RPF1: variants seen among roughly 807,000 people sequenced by gnomAD.
RPF1 encodes ribosome production factor 1 homolog, also known as ribosome production factor 1.
A neutral mutation model predicts 41.9 loss-of-function variants in RPF1; 34 were observed. That is an observed-to-expected ratio of 0.81 (90% confidence interval 0.62 to 1.08). The LOEUF (loss-of-function observed/expected upper bound fraction) is 1.08. Ranked by LOEUF, RPF1 falls within the 50% of genes least tolerant of loss-of-function variation. The pLI is 0.00. For missense variants in RPF1, 425 were observed against 435.2 expected, an observed-to-expected ratio of 0.98 and a Z score of 0.21; for synonymous variants, 140 against 148.9, an observed-to-expected ratio of 0.94 and a Z score of 0.43.
chr1:84,484,934 A>G (rs1409309613), intron 3 of RPF1, among the ~76,000 whole-genome samples: 1 of 152,150 alleles, frequency 6.6e-6, no homozygotes, highest in Non-Finnish European at 1.5e-5. Context: ...AGCCTCCTAA[A>G]GTGCTGGGAT....
At chr1:84,494,090 T>A (rs1681886530) in intron 5 of RPF1, among the ~76,000 whole-genome samples, 1 of 152,234 alleles carries the variant, frequency 6.6e-6, no homozygotes. Flanking sequence ...CATAGCTGGT[T>A]ACTTATAGAA....
rs755761292 is a variant in RPF1, at chr1:84,490,355, A to G, written c.499A>G (p.Ile167Val). The change falls in exon 5 of 9, where the codon ATA becomes GTA. Residue 167 changes from isoleucine (I) to valine (V), a missense_variant. By Grantham distance (29) the Ile-to-Val change is conservative. Transcript: ENST00000370654. ...VRLCEQLSTV[I>V]PNSHVYYRRG... The stretch of plus-strand genomic sequence containing the variant: ...ACTCTGTGAACAGCTCTCCACAGTT[A>G]TACCAAACTCACATGTTTATTACAG... 1 of 1,609,164 alleles carries G rather than the reference A, an allele frequency of 6.2e-7. No homozygotes were observed. Among genetic ancestry groups the G allele is most frequent in the Non-Finnish European group, 8.5e-7 (1 of 1,178,216 alleles).
chr1:84,493,176 T>C (rs1681863895), intron 5 of RPF1, among the ~76,000 whole-genome samples: 1 of 152,140 alleles, frequency 6.6e-6, no homozygotes, highest in East Asian at 1.9e-4. Flanking sequence ...GATTTAAGCC[T>C]TGATTTGGGC....
chr1:84,483,889 A>G (rs1681694290), intron 3 of RPF1, among the ~76,000 whole-genome samples: 1 of 152,184 alleles, frequency 6.6e-6, no homozygotes, highest in South Asian at 2.1e-4. Context: ...CTTTCAGCAA[A>G]TGTTTATGGA....
chr1:84,489,549 A>G (rs1214499905), intron 3 of RPF1, 84 bp from the exon 4 acceptor site: 5 of 761,010 alleles, frequency 6.6e-6, no homozygotes, highest in Non-Finnish European at 9.3e-6. Context: ...TCAGTGTCCA[A>G]CAGTCCTGCT....
chr1:84,485,358 C>T (rs1470599194), intron 3 of RPF1, among the ~76,000 whole-genome samples: 2 of 152,158 alleles, frequency 1.3e-5, no homozygotes, highest in Non-Finnish European at 2.9e-5. Context: ...CTTGGCCTCC[C>T]AAAGTGTTAG....
intron 3 of RPF1, among the ~76,000 whole-genome samples, chr1:84,484,348 C>G (rs1487798597): frequency 1.3e-5 from 2 of 151,770 alleles, no homozygotes; most frequent in Non-Finnish European, 2.9e-5. Flanking sequence ...TTAGCAAAAT[C>G]AGACATTGAT....
chr1:84,484,550 T>C (rs776688574), intron 3 of RPF1, among the ~76,000 whole-genome samples: 13 of 152,172 alleles, frequency 8.5e-5, no homozygotes, highest in Non-Finnish European at 1.8e-4. Context: ...TTGAATAGTA[T>C]AGACCAGATA....
In RPF1 at chr1:84,482,972, A is replaced by G. The variant is rs989875097; in HGVS notation, c.343A>G (p.Thr115Ala). 1 of 1,605,728 alleles carries G rather than the reference A, an allele frequency of 6.2e-7. No homozygotes were observed. Among genetic ancestry groups the G allele is most frequent in the African/African-American group, 1.3e-5 (1 of 74,780 alleles). ...IDNQRVYDET[T>A]VDPNDEEVAY... The stretch of plus-strand genomic sequence containing the variant: ...CAACCAGCGAGTGTATGATGAAACC[A>G]CAGTAGACCCTAATGATGAAGAGGT... The change falls in exon 3 of 9, where the codon ACA becomes GCA. Residue 115 changes from threonine (T) to alanine (A), a missense_variant. Transcript: ENST00000370654.
At chr1:84,496,471 T>A in intron 8 of RPF1, 101 bp downstream of exon 8, 1 of 1,014,998 alleles carries the variant, frequency 9.9e-7, no homozygotes, top group Non-Finnish European at 1.4e-6. Flanking sequence ...ATGCTGGGCT[T>A]AATACCTAGG....
At chr1:84,484,542 G>A (rs1681706192) in intron 3 of RPF1, among the ~76,000 whole-genome samples, 1 of 151,876 alleles carries the variant, frequency 6.6e-6, no homozygotes, top group South Asian at 2.1e-4. Flanking sequence ...GAGATTTTTT[G>A]AATAGTATAG....
intron 5 of RPF1, among the ~76,000 whole-genome samples, chr1:84,491,893 G>A (rs1211522423): frequency 6.6e-6 from 1 of 152,156 alleles, no homozygotes; most frequent in Non-Finnish European, 1.5e-5. Flanking sequence ...GGATGCGGTG[G>A]CTCACACCTG....
chr1:84,479,292 C>T lies in RPF1; in HGVS notation c.11C>T (p.Ala4Val), dbSNP rs145776320. The T allele has an allele frequency of 5.0e-3, 7,930 of 1,598,784 alleles. 76 individuals carry two copies. Among genetic ancestry groups the T allele is most frequent in the South Asian group, 0.023 (2,086 of 89,538 alleles). ...AAAGGAGCCAAGACCATGGCGAAAG[C>T]CGGGGATAAGAGCAGCAGCAGCGGG... MAKAGDKSSSSGKK... is the reference protein window; with the variant it reads MAKVGDKSSSSGKK... Residue 4 changes from alanine (A) to valine (V), a missense_variant, in exon 1 of 9, where the codon GCC (alanine) becomes GTC (valine). Coordinates refer to ENST00000370654, the MANE Select transcript of RPF1 (RefSeq NM_025065.7).
At chr1:84,489,275 T>G (rs11163982) in intron 3 of RPF1, among the ~76,000 whole-genome samples, 29,094 of 152,074 alleles carry the variant, frequency 0.19, 4,298 homozygotes, top group African/African-American at 0.41. Flanking sequence ...TCTCGTAATT[T>G]CATTAGTTTT....
rs777451587 is a variant in RPF1 at position 84,480,982 on chromosome 1, TAAAA to T, written c.258_261del (p.Glu90LeufsTer26). On this transcript the variant is annotated frameshift_variant, in exon 2 of 9. Transcript: ENST00000370654. LOFTEE classifies it high-confidence loss of function. ...AAAAGTTGGCAGCTAAGAAAAAACT[TAAAA>T]AAGAAAGAGAGGCTCTTGGCGATAA... 1.8e-5 allele frequency: 29 copies of T among 1,596,076 alleles called. No individual in the cohort carries two copies. Among genetic ancestry groups the T allele is most frequent in the Non-Finnish European group, 2.4e-5 (28 of 1,166,854 alleles).
At chr1:84,496,997 G>A (rs749509018) in intron 8 of RPF1, among the ~76,000 whole-genome samples, 2 of 151,556 alleles carry the variant, frequency 1.3e-5, no homozygotes, top group Admixed American at 1.3e-4. Flanking sequence ...TCAGCCTCCC[G>A]AGTAGCTGGG....
At position 84,496,281 on chromosome 1, in the gene RPF1, G is replaced by C; in HGVS notation, c.919G>C (p.Glu307Gln). 1 of 1,613,432 alleles carries C rather than the reference G, an allele frequency of 6.2e-7. No homozygotes were observed. The change falls in exon 8 of 9, where the codon GAA becomes CAA. Residue 307 changes from glutamate (E) to glutamine (Q), a missense_variant. Physicochemically the swap from Glu to Gln is conservative, Grantham distance 29. Transcript: ENST00000370654. ...FRSEKKVGIQ[E>Q]LGPRFTLKLR... ...GAGTGAAAAGAAAGTGGGAATTCAG[G>C]AACTTGGACCACGTTTTACCTTAAA...
In RPF1 at chr1:84,498,040, T is replaced by C. The variant is rs1311575743; in HGVS notation, c.*570T>C. Among the ~76,000 whole-genome samples, 1 of 152,198 alleles carries C rather than the reference T, an allele frequency of 6.6e-6. No homozygotes were observed. The highest frequency in any genetic ancestry group is 2.4e-5 in the African/African-American group (1 of 41,452). On this transcript the variant is annotated 3_prime_UTR_variant, in exon 9 of 9. Transcript: ENST00000370654. ...TGTGCCCACGTTGTGGGGAGCTCTT[T>C]TTTACCTCATTACATGGTGCTGTAG...
chr1:84,497,379 T>C (rs367813508), intron 8 of RPF1, 50 bp from the exon 9 acceptor site: 2 of 1,478,324 alleles, frequency 1.4e-6, no homozygotes, highest in South Asian at 2.3e-5. Context: ...AATTGTTAAT[T>C]ATATTTTTGT....
Sources: gnomAD v4.1 joint callset for allele counts (sites outside exome capture counted in the v4.1 genomes callset) on GRCh38, gnomAD v4.1.1 for gene constraint, MANE v1.5 for transcripts, NCBI Gene and HGNC (gene_info 2026-07-23, HGNC 2026-07-21) for gene names.